PLIN3: variants seen among roughly 807,000 people sequenced by gnomAD.
PLIN3 encodes perilipin 3, also known as perilipin-3.
A neutral mutation model predicts 35.9 loss-of-function variants in PLIN3; 30 were observed. The observed-to-expected ratio is 0.84, with a 90% confidence interval of 0.62 to 1.13. PLIN3 has a LOEUF of 1.13. PLIN3 is among the 50% of genes most tolerant of loss of function. The pLI, the probability that PLIN3 is intolerant of heterozygous loss-of-function variation, is 0.00. For synonymous variants in PLIN3, 261 were observed against 262.5 expected, an observed-to-expected ratio of 0.99 and a Z score of 0.06; for missense variants, 603 against 596.9, an observed-to-expected ratio of 1.01 and a Z score of -0.11.
At chr19:4,850,833 A>C (rs1021581672) in intron 5 of PLIN3, among the ~76,000 whole-genome samples, 2 of 151,562 alleles carry the variant, frequency 1.3e-5, no homozygotes, top group Non-Finnish European at 2.9e-5. Context: ...GGCCCACCAA[A>C]GTGCTGGGAT....
chr19:4,856,410 T>C (rs570638295), intron 4 of PLIN3, among the ~76,000 whole-genome samples: 1 of 151,726 alleles, frequency 6.6e-6, no homozygotes, highest in Admixed American at 6.6e-5. Flanking sequence ...AAGATAAAAT[T>C]ACCCAGGCAT....
At chr19:4,857,266 CGTCTTGACAAAAA>C (rs2030505866) in intron 4 of PLIN3, among the ~76,000 whole-genome samples, 1 of 151,850 alleles carries the variant, frequency 6.6e-6, no homozygotes, top group African/African-American at 2.4e-5. Flanking sequence ...GGCGAGACTC[CGTCTTGACAAAAA>C]GTACAAAAAT....
At chr19:4,863,878 C>G (rs2030756424) in intron 1 of PLIN3, among the ~76,000 whole-genome samples, 2 of 151,436 alleles carry the variant, frequency 1.3e-5, no homozygotes, top group Admixed American at 1.3e-4. Flanking sequence ...CTAAATGTAA[C>G]TGACATGACA....
intron 4 of PLIN3, among the ~76,000 whole-genome samples, chr19:4,858,890 C>T (rs188876316): frequency 4.4e-4 from 66 of 150,848 alleles, no homozygotes; most frequent in Admixed American, 3.5e-3. Context: ...TTAGTAGAGA[C>T]GGGGTTTCTC....
At chr19:4,842,978 T>C (rs2029948658) in intron 7 of PLIN3, among the ~76,000 whole-genome samples, 2 of 152,140 alleles carry the variant, frequency 1.3e-5, no homozygotes, top group East Asian at 1.9e-4. Flanking sequence ...ACCAGCACTT[T>C]GGGAGGCCGA....
chr19:4,859,198 G>A (rs1226769281), intron 4 of PLIN3, among the ~76,000 whole-genome samples: 1 of 152,102 alleles, frequency 6.6e-6, no homozygotes, highest in African/African-American at 2.4e-5. Context: ...AAATAAATGG[G>A]CATGGCTGTG....
At chr19:4,840,229 G>T (rs989409912) in intron 7 of PLIN3, among the ~76,000 whole-genome samples, 6 of 152,074 alleles carry the variant, frequency 3.9e-5, no homozygotes, top group African/African-American at 1.4e-4. Flanking sequence ...GCCTCCCAAA[G>T]TACTGAGATT....
At chr19:4,865,757 CCT>C (rs138155933) in intron 1 of PLIN3, among the ~76,000 whole-genome samples, 34,377 of 145,722 alleles carry the variant, frequency 0.24, 4,556 homozygotes, top group East Asian at 0.4. Flanking sequence ...GGAGTCTCGC[CCT>C]GTCGCCCACG....
At chr19:4,861,479 C>A in intron 1 of PLIN3, 68 bp from the exon 2 acceptor site, 1 of 1,112,894 alleles carries the variant, frequency 9.0e-7, no homozygotes, top group South Asian at 1.3e-5. Context: ...TCCAGGCCCA[C>A]GCTGCAGCTG....
At position 4,859,809 on chromosome 19, in the gene PLIN3, C is replaced by T. The variant is rs2030606834; in HGVS notation, c.265+17G>A. ...TGACCAGGAGGGGAATTCAGTGCCC[C>T]CTGGGACTTCACCCACTCTGGGGCT... On this transcript the variant is annotated intron_variant, in intron 3 of 7. Coordinates refer to ENST00000221957, the MANE Select transcript of PLIN3 (RefSeq NM_005817.5). The T allele has an allele frequency of 1.9e-6, 3 of 1,612,778 alleles. No homozygotes were observed. Among genetic ancestry groups the T allele is most frequent in the South Asian group, 2.2e-5 (2 of 90,992 alleles).
intron 1 of PLIN3, among the ~76,000 whole-genome samples, chr19:4,864,452 T>C (rs762147056): frequency 7.9e-6 from 1 of 126,324 alleles, no homozygotes; most frequent in South Asian, 2.5e-4. Flanking sequence ...TCAGCCGTGG[T>C]TTGTTTTTTT....
intron 1 of PLIN3, among the ~76,000 whole-genome samples, chr19:4,865,590 C>CATCTT (rs1355927447): frequency 6.6e-6 from 1 of 151,998 alleles, no homozygotes; most frequent in Admixed American, 6.6e-5. Context: ...TGAGTCTGAG[C>CATCTT]ATCTTTTCCC....
intron 4 of PLIN3, among the ~76,000 whole-genome samples, chr19:4,856,750 G>A (rs956762759): frequency 1.3e-5 from 2 of 150,300 alleles, no homozygotes; most frequent in Non-Finnish European, 3.0e-5. Flanking sequence ...TGTTGCCCAG[G>A]CTGGAGCGTG....
chr19:4,843,403 G>T (rs961937678), intron 7 of PLIN3, among the ~76,000 whole-genome samples: 1 of 151,880 alleles, frequency 6.6e-6, no homozygotes, highest in Admixed American at 6.6e-5. Flanking sequence ...AGATACTCGG[G>T]AGGCTGAGGC....
intron 7 of PLIN3, 131 bp from the exon 8 acceptor site, chr19:4,839,667 C>CT (rs781142496): frequency 0.13 from 58,409 of 439,882 alleles, 227 homozygotes; most frequent in East Asian, 0.15. Flanking sequence ...ATAGGCGAAA[C>CT]TTTTTTTTTT....
Position 4,852,036 on chromosome 19 carries a change from G to C in PLIN3, c.614C>G (p.Pro205Arg). 6.2e-7 allele frequency: 1 copy of C among 1,613,802 alleles called. No homozygotes were observed. Among genetic ancestry groups the C allele is most frequent in the Non-Finnish European group, 8.5e-7 (1 of 1,179,916 alleles). ...KSEEWADNHLPLTDAELARIA... is the reference protein window; with the variant it reads ...KSEEWADNHLRLTDAELARIA... ...CTTACCCAGTTCGGCATCCGTAAGG[G>C]GCAGGTGGTTGTCCGCCCACTCCTC... is the stretch of plus-strand genomic sequence containing the variant. The change falls in exon 5 of 8, where the codon CCC becomes CGC. Residue 205 changes from proline (P) to arginine (R), a missense_variant. Coordinates refer to ENST00000221957, the MANE Select transcript of PLIN3 (RefSeq NM_005817.5).
chr19:4,863,241 T>A (rs1191072368), intron 1 of PLIN3, among the ~76,000 whole-genome samples: 1 of 152,010 alleles, frequency 6.6e-6, no homozygotes, highest in East Asian at 1.9e-4. Context: ...CTCACGCCTG[T>A]AATCCCAGCA....
rs199845239 is a variant in PLIN3 at position 4,852,077 on chromosome 19, C to T, written c.573G>A (p.Thr191=). The T allele has an allele frequency of 8.1e-6, 13 of 1,613,824 alleles. No homozygotes were observed. In the East Asian group the frequency reaches 8.9e-5, roughly 11 times the overall value. Residue 191 remains threonine, a synonymous_variant, in exon 5 of 8, where the codon ACG becomes ACA. Transcript: ENST00000221957. ...LGQMVLSGVD[T]VLGKSEEWAD... ...CCCACTCCTCCGACTTCCCCAGCAC[C>T]GTGTCGACCCCACTCAACACCATCT...
At chr19:4,844,005 T>C (rs957502237) in intron 7 of PLIN3, among the ~76,000 whole-genome samples, 2 of 152,182 alleles carry the variant, frequency 1.3e-5, no homozygotes, top group Non-Finnish European at 2.9e-5. Flanking sequence ...AATCTCCTTC[T>C]GTTGCCCAGG....
Sources: allele counts gnomAD v4.1 joint callset (sites outside exome capture counted in the v4.1 genomes callset), GRCh38; gene constraint gnomAD v4.1.1; transcripts MANE v1.5; gene names NCBI Gene and HGNC (gene_info 2026-07-23, HGNC 2026-07-21).